Variants in RAB3GAP2 observed in about 807,000 individuals in gnomAD.
The protein encoded by RAB3GAP2 is rab3 GTPase-activating protein non-catalytic subunit.
Under a neutral mutation model 185.3 loss-of-function variants are expected in RAB3GAP2, and 87 were observed. The ratio of observed to expected loss-of-function variants is 0.47; its 90% CI spans 0.39 to 0.56. The LOEUF (loss-of-function observed/expected upper bound fraction) is 0.56, where lower values mean the gene tolerates loss of function less well. Among genes scored for constraint, RAB3GAP2 ranks in the 20% least tolerant of loss-of-function variants. RAB3GAP2 has a pLI of 0.00. For synonymous variants in RAB3GAP2, 554 were observed against 576.1 expected (o/e 0.96, Z 0.55); for missense variants, 1,492 against 1,638.2 (o/e 0.91, Z 1.54).
chr1:220,164,473 G>GTTTTTTTTTTTTTTTTTTTTTTTTTTTT (rs35024056), intron 27 of RAB3GAP2, among the ~76,000 whole-genome samples: 7 of 105,642 alleles, frequency 6.6e-5, no homozygotes, highest in Non-Finnish European at 9.5e-5. Context: ...TTTTTGTTTT[G>GTTTTTTTTTTTTTTTTTTTTTTTTTTTT]TTTTTTTTTT....
intron 7 of RAB3GAP2, chr1:220,207,860 C>T (rs1658998399): frequency 6.6e-6 from 1 of 152,182 alleles, no homozygotes; most frequent in Non-Finnish European, 1.5e-5. Flanking sequence ...GGAGATTTTT[C>T]CTCTCTTTCG....
chr1:220,229,653 C>T (rs971868316), intron 2 of RAB3GAP2, among the ~76,000 whole-genome samples: 4 of 152,124 alleles, frequency 2.6e-5, no homozygotes, highest in Non-Finnish European at 5.9e-5. Flanking sequence ...CAAATATTAA[C>T]AAAAATCCAT....
intron 3 of RAB3GAP2, 38 bp from the exon 4 acceptor site, chr1:220,213,006 T>C (rs1211111624): frequency 1.4e-6 from 2 of 1,425,960 alleles, no homozygotes; most frequent in South Asian, 1.2e-5. Context: ...TAATTTTAGC[T>C]ATAATACACT....
intron 1 of RAB3GAP2, among the ~76,000 whole-genome samples, chr1:220,242,605 C>T (rs1005846860): frequency 1.3e-5 from 2 of 152,204 alleles, no homozygotes; most frequent in Non-Finnish European, 2.9e-5. Context: ...CTTAATCAAC[C>T]TTCTAGTATC....
chr1:220,159,407 T>G lies in RAB3GAP2; in HGVS notation c.3240A>C (p.Pro1080=), dbSNP rs1289153615. The G allele has an allele frequency of 6.2e-7, 1 of 1,605,002 alleles. No individual in the cohort carries two copies. Among genetic ancestry groups the G allele is most frequent in the Non-Finnish European group, 8.5e-7 (1 of 1,172,364 alleles). The change falls in exon 29 of 35, where the codon CCA becomes CCC. Residue 1080 remains proline, a synonymous_variant. Transcript: ENST00000358951. ...TYLMDKVGKS[P]KDRLCRRDVG... ...TTACCCTTCGGCATAACCTATCTTT[T>G]GGTGATTTTCCAACCTAAAATAAAA...
chr1:220,209,040 C>A (rs1659029394), intron 7 of RAB3GAP2, among the ~76,000 whole-genome samples: 1 of 152,096 alleles, frequency 6.6e-6, no homozygotes, highest in Admixed American at 6.6e-5. Flanking sequence ...TGTACTAGTC[C>A]TTTCTCTCTT....
At chr1:220,153,090 G>A (rs1657792713) in intron 33 of RAB3GAP2, 95 bp downstream of exon 33, 2 of 919,190 alleles carry the variant, frequency 2.2e-6, no homozygotes, top group Non-Finnish European at 3.6e-6. Flanking sequence ...ATAAAAGGAA[G>A]AGCAAAAGGC....
At chr1:220,155,234 T>C (rs954790727) in intron 31 of RAB3GAP2, among the ~76,000 whole-genome samples, 3 of 152,214 alleles carry the variant, frequency 2.0e-5, no homozygotes, top group Admixed American at 1.3e-4. Context: ...CCAGGTTGCC[T>C]TGGGTAAATG....
At chr1:220,162,521 G>C (rs1657982199) in intron 27 of RAB3GAP2, among the ~76,000 whole-genome samples, 1 of 152,140 alleles carries the variant, frequency 6.6e-6, no homozygotes, top group African/African-American at 2.4e-5. Flanking sequence ...CACATCATTA[G>C]TTATGAGAGA....
At chr1:220,195,480 G>A in intron 10 of RAB3GAP2, 103 bp from the exon 11 acceptor site, 6 of 1,070,362 alleles carry the variant, frequency 5.6e-6, no homozygotes, top group Non-Finnish European at 7.2e-6. Context: ...AAGTTGTAAA[G>A]GCTGGACTAG....
At chr1:220,239,699 C>A (rs778603962) in intron 1 of RAB3GAP2, among the ~76,000 whole-genome samples, 2 of 151,982 alleles carry the variant, frequency 1.3e-5, no homozygotes, top group Non-Finnish European at 2.9e-5. Context: ...GTCTAAGAGG[C>A]AGAATTTGAT....
intron 9 of RAB3GAP2, among the ~76,000 whole-genome samples, chr1:220,199,507 T>C (rs542432829): frequency 3.9e-5 from 6 of 152,302 alleles, no homozygotes; most frequent in African/African-American, 1.4e-4. Flanking sequence ...TCTTGAACTC[T>C]ACGAAACATT....
intron 24 of RAB3GAP2, among the ~76,000 whole-genome samples, chr1:220,169,536 CAGGGAA>C (rs1328742227): frequency 1.3e-5 from 2 of 152,226 alleles, no homozygotes; most frequent in African/African-American, 4.8e-5. Context: ...GTGAGAGAGG[CAGGGAA>C]AGGGAAGAGG....
Position 220,224,138 on chromosome 1 carries a change from C to T in RAB3GAP2, c.180+8661G>A, listed in dbSNP as rs148799084. 1.1e-4 allele frequency among the ~76,000 whole-genome samples: 17 copies of T among 151,884 alleles called. No individual in the cohort carries two copies. The East Asian group carries it at 3.3e-3, about 29-fold the overall frequency. ...TATTCTAAGCATATATCATTTAATC[C>T]TCATGGCAATACTATGAGTTTGGTA... is the stretch of plus-strand genomic sequence containing the variant. On this transcript the variant is annotated intron_variant, in intron 2 of 34. Transcript: ENST00000358951.
At chr1:220,237,021 C>T (rs984811118) in intron 1 of RAB3GAP2, among the ~76,000 whole-genome samples, 13 of 152,252 alleles carry the variant, frequency 8.5e-5, no homozygotes, top group African/African-American at 2.4e-4. Flanking sequence ...AAAAATGGCT[C>T]ACCATGATTG....
intron 21 of RAB3GAP2, among the ~76,000 whole-genome samples, chr1:220,179,882 G>A (rs769373963): frequency 1.1e-4 from 17 of 152,062 alleles, no homozygotes; most frequent in Admixed American, 2.0e-4. Flanking sequence ...GAGGGAAGTC[G>A]GCCGGGTGCG....
Position 220,182,737 on chromosome 1 carries a change from T to C in RAB3GAP2, c.2193A>G (p.Glu731=). Residue 731 remains glutamate (E), a synonymous_variant, in exon 20 of 35, where the codon GAA becomes GAG. Coordinates refer to ENST00000358951, the MANE Select transcript of RAB3GAP2 (RefSeq NM_012414.4). ...ACCTACCTAAAGCCACATATTCCTC[T>C]TCACTTATTTTCTTTATGTTGAGCA... ...KDVLNIKKIS[E]EEYVALGSFF... 1 of 1,603,790 alleles carries C rather than the reference T, an allele frequency of 6.2e-7. No individual in the cohort carries two copies. Among genetic ancestry groups the C allele is most frequent in the Non-Finnish European group, 8.5e-7 (1 of 1,176,600 alleles).
chr1:220,272,426 G>A lies in RAB3GAP2; in HGVS notation c.-89C>T, dbSNP rs372770055. 4.7e-5 allele frequency: 40 copies of A among 845,938 alleles called. 1 individual carries two copies. The highest frequency in any genetic ancestry group is 2.7e-4 in the African/African-American group (16 of 59,254). 52.4% of individuals were successfully genotyped at this position (845,938 alleles called of 1,614,324 possible). A position where few individuals can be genotyped will look rare whatever the true frequency, so the allele number is the denominator to read the frequency against. Reference sequence around the variant, plus strand: ...CTGCGGCCGCCACCGAGCCCCAATAGCTCTAGCCAAGCAGAAGGCGGAGAA... The same window carrying A: ...CTGCGGCCGCCACCGAGCCCCAATAACTCTAGCCAAGCAGAAGGCGGAGAA... On this transcript the variant is annotated 5_prime_UTR_variant, in exon 1 of 35. Transcript: ENST00000358951.
intron 1 of RAB3GAP2, among the ~76,000 whole-genome samples, chr1:220,252,026 T>C (rs1245335877): frequency 6.6e-6 from 1 of 151,694 alleles, no homozygotes; most frequent in African/African-American, 2.4e-5. Flanking sequence ...GTGGCACATG[T>C]CTGTAGTCCC....
Sources: allele counts gnomAD v4.1 joint callset (sites outside exome capture counted in the v4.1 genomes callset), GRCh38; gene constraint gnomAD v4.1.1; transcripts MANE v1.5; gene names NCBI Gene and HGNC (gene_info 2026-07-23, HGNC 2026-07-21).